The following KCNIP4 variants were observed in gnomAD, a reference collection of about 807,000 sequenced individuals.
KCNIP4 encodes potassium voltage-gated channel interacting protein 4, also known as Kv channel-interacting protein 4.
In KCNIP4, 12 loss-of-function variants were observed where a neutral mutation model predicts 34.0. The observed-to-expected ratio is 0.35, with a 90% CI of 0.23 to 0.57. KCNIP4 has a LOEUF of 0.57. Ranked by LOEUF, KCNIP4 falls within the 20% of genes least tolerant of loss-of-function variation. The pLI is 0.83. For synonymous variants in KCNIP4, 124 were observed against 102.2 expected (o/e 1.21, Z -1.29); for missense variants, 238 against 311.7 (o/e 0.76, Z 1.78).
At chr4:21,863,482 CA>C (rs142534576) in intron 1 of KCNIP4, among the ~76,000 whole-genome samples, 11,223 of 152,128 alleles carry the variant, frequency 0.074, 531 homozygotes, top group Middle Eastern at 0.13. Context: ...CGAGTAAGGA[CA>C]ATCAGTGCCC....
intron 1 of KCNIP4, among the ~76,000 whole-genome samples, chr4:21,937,736 T>C (rs111980850): frequency 1.8e-4 from 27 of 152,218 alleles, no homozygotes; most frequent in African/African-American, 4.8e-4. Context: ...GGCCAGAAAC[T>C]GAGAGTTGCT....
At chr4:21,593,287 C>T (rs1197038228) in intron 1 of KCNIP4, among the ~76,000 whole-genome samples, 1 of 152,086 alleles carries the variant, frequency 6.6e-6, no homozygotes, top group Non-Finnish European at 1.5e-5. Context: ...GCTGAATGCC[C>T]ATTGCTGGTT....
intron 1 of KCNIP4, among the ~76,000 whole-genome samples, chr4:20,986,384 C>G (rs561062152): frequency 2.0e-5 from 3 of 152,092 alleles, no homozygotes; most frequent in Non-Finnish European, 4.4e-5. Context: ...TATCAGCAAG[C>G]CTGTGGCGGG....
intron 5 of KCNIP4, among the ~76,000 whole-genome samples, chr4:20,748,579 TA>T (rs1752908874): frequency 1.3e-5 from 1 of 76,322 alleles, no homozygotes. Context: ...TATATATATA[TA>T]TATATATATA....
chr4:21,798,580 AAGAAAG>A (rs1360599479), intron 1 of KCNIP4, among the ~76,000 whole-genome samples: 1,619 of 119,900 alleles, frequency 0.014, 30 homozygotes, highest in African/African-American at 0.04. Flanking sequence ...GAAAGAAAGA[AAGAAAG>A]AGAAAAAATG....
intron 1 of KCNIP4, among the ~76,000 whole-genome samples, chr4:21,066,422 C>T (rs1331483303): frequency 1.3e-5 from 2 of 152,168 alleles, no homozygotes; most frequent in African/African-American, 4.8e-5. Flanking sequence ...GGTAAGTGAT[C>T]ACAGTAGCTG....
intron 1 of KCNIP4, among the ~76,000 whole-genome samples, chr4:20,960,856 G>C (rs925692308): frequency 1.3e-5 from 2 of 152,128 alleles, no homozygotes; most frequent in African/African-American, 4.8e-5. Flanking sequence ...TGTAAGAAGG[G>C]GCAAGAGGTG....
At chr4:20,805,400 G>T (rs1015447231) in intron 3 of KCNIP4, among the ~76,000 whole-genome samples, 1 of 151,674 alleles carries the variant, frequency 6.6e-6, no homozygotes, top group African/African-American at 2.4e-5. Context: ...ATTTTGCCAA[G>T]CTTTGTAACT....
At chr4:20,787,851 C>A (rs926235950) in intron 3 of KCNIP4, among the ~76,000 whole-genome samples, 1 of 151,960 alleles carries the variant, frequency 6.6e-6, no homozygotes, top group African/African-American at 2.4e-5. Flanking sequence ...CTTTTTAAAG[C>A]AACCATGTCT....
chr4:21,185,395 C>A (rs575836051), intron 1 of KCNIP4, among the ~76,000 whole-genome samples: 248 of 151,838 alleles, frequency 1.6e-3, no homozygotes, highest in African/African-American at 2.3e-3. Context: ...TTCTCCTCCT[C>A]CTACTCCCTC....
At chr4:20,781,500 G>A (rs1239212714) in intron 3 of KCNIP4, among the ~76,000 whole-genome samples, 1 of 152,192 alleles carries the variant, frequency 6.6e-6, no homozygotes, top group African/African-American at 2.4e-5. Context: ...AGTTCCACAT[G>A]GCTGGGGAGG....
At chr4:21,816,203 G>T (rs1721976685) in intron 1 of KCNIP4, among the ~76,000 whole-genome samples, 1 of 152,088 alleles carries the variant, frequency 6.6e-6, no homozygotes, top group Non-Finnish European at 1.5e-5. Context: ...AAGGGACACT[G>T]CAAAAATGTA....
At chr4:20,999,427 GTTTGTTTTTTGT>G (rs1737880055) in intron 1 of KCNIP4, among the ~76,000 whole-genome samples, 1 of 27,728 alleles carries the variant, frequency 3.6e-5, no homozygotes, top group Non-Finnish European at 6.6e-5. Flanking sequence ...TTTTTTTTTT[GTTTGTTTTTTGT>G]TTTTTTTTTT....
intron 1 of KCNIP4, among the ~76,000 whole-genome samples, chr4:21,876,197 T>C (rs181015021): frequency 3.1e-4 from 47 of 152,296 alleles, no homozygotes; most frequent in African/African-American, 1.1e-3. Flanking sequence ...ACTATCAATA[T>C]GTAGAAATGG....
intron 3 of KCNIP4, among the ~76,000 whole-genome samples, chr4:20,776,886 A>T (rs528617767): frequency 1.3e-5 from 2 of 152,296 alleles, no homozygotes; most frequent in South Asian, 2.1e-4. Context: ...TAGGGTAATT[A>T]TGAATAGATG....
chr4:21,288,169 G>GCA (rs2109194076), intron 1 of KCNIP4, among the ~76,000 whole-genome samples: 1 of 152,226 alleles, frequency 6.6e-6, no homozygotes, highest in Non-Finnish European at 1.5e-5. Context: ...AGAGACACAT[G>GCA]CACACACACA....
chr4:21,631,047 T>A lies in KCNIP4; in HGVS notation c.61+317524A>T, dbSNP rs186046366. On this transcript the variant is annotated intron_variant, in intron 1 of 8. Coordinates refer to ENST00000382152, the MANE Select transcript of KCNIP4 (RefSeq NM_025221.6). ...CATAGTGTTATTCTGTGACGCTTCC[T>A]CACTATATTCGGTAAGGAAAATGTA... Among the ~76,000 whole-genome samples the A allele has an allele frequency of 3.2e-4, 49 of 152,312 alleles. No individual in the cohort carries two copies. In the East Asian group the frequency reaches 8.7e-3, roughly 27 times the overall value.
In KCNIP4 at chr4:21,884,562, G is replaced by C. The variant is rs141359068; in HGVS notation, c.61+64009C>G. The stretch of plus-strand genomic sequence containing the variant: ...AATTCCCCAATGGAGCTACCATTGA[G>C]GGCTCTAAATTTTGTTATTTACAAT... On this transcript the variant is annotated intron_variant, in intron 1 of 8. Coordinates refer to ENST00000382152, the MANE Select transcript of KCNIP4 (RefSeq NM_025221.6). Among the ~76,000 whole-genome samples, 1,321 of 152,070 alleles carry C rather than the reference G, an allele frequency of 8.7e-3. 15 individuals carry two copies. The highest frequency in any genetic ancestry group is 0.034 in the South Asian group (164 of 4,810).
chr4:20,837,684 A>ATTTT (rs773131443), intron 3 of KCNIP4, among the ~76,000 whole-genome samples: 1,312 of 102,468 alleles, frequency 0.013, 10 homozygotes, highest in Middle Eastern at 0.016. Flanking sequence ...ATATATATAT[A>ATTTT]TATTTTTTTT....
Sources: allele counts gnomAD v4.1 joint callset (sites outside exome capture counted in the v4.1 genomes callset), GRCh38; gene constraint gnomAD v4.1.1; transcripts MANE v1.5; gene names NCBI Gene and HGNC (gene_info 2026-07-23, HGNC 2026-07-21).